The following SH3PXD2B variants were observed in gnomAD, a reference collection of about 807,000 sequenced individuals.
SH3PXD2B encodes SH3 and PX domains 2B, also known as SH3 and PX domain-containing protein 2B.
A neutral mutation model predicts 73.1 loss-of-function variants in SH3PXD2B; 37 were observed. The ratio of observed to expected loss-of-function variants is 0.51; its 90% CI spans 0.39 to 0.67. SH3PXD2B has a LOEUF of 0.67. SH3PXD2B is among the 30% of genes least tolerant of loss of function. The pLI, the probability that SH3PXD2B is intolerant of heterozygous loss-of-function variation, is 0.00. For synonymous variants in SH3PXD2B, 457 were observed against 480.5 expected (o/e 0.95, Z 0.64); for missense variants, 1,053 against 1,197.8 (o/e 0.88, Z 1.78).
At chr5:172,326,432 G>T (rs961329674) in intron 12 of SH3PXD2B, among the ~76,000 whole-genome samples, 39 of 152,106 alleles carry the variant, frequency 2.6e-4, no homozygotes, top group African/African-American at 8.9e-4. Flanking sequence ...TTAATTGAAG[G>T]CTTCGGAGTC....
intron 6 of SH3PXD2B, among the ~76,000 whole-genome samples, chr5:172,370,673 TCAGAGAATG>T (rs1757682598): frequency 6.6e-6 from 1 of 152,188 alleles, no homozygotes. Flanking sequence ...ATGAAGTGGT[TCAGAGAATG>T]CATGGAGTTG....
intron 3 of SH3PXD2B, among the ~76,000 whole-genome samples, chr5:172,401,397 C>T (rs1009827197): frequency 2.0e-5 from 3 of 152,170 alleles, no homozygotes; most frequent in Non-Finnish European, 4.4e-5. Flanking sequence ...GGCGTTAGAT[C>T]AGGTGGCAGA....
intron 1 of SH3PXD2B, among the ~76,000 whole-genome samples, chr5:172,448,736 T>C (rs1410982237): frequency 1.3e-5 from 2 of 152,234 alleles, no homozygotes; most frequent in African/African-American, 4.8e-5. Flanking sequence ...GCACCTATTT[T>C]ACAAATGTAA....
downstream of SH3PXD2B, among the ~76,000 whole-genome samples, chr5:172,329,085 T>TA (rs1469951500): frequency 3.1e-4 from 31 of 100,578 alleles, no homozygotes; most frequent in East Asian, 1.4e-3. Context: ...ATATATATAT[T>TA]TTTTTTTTTT....
chr5:172,431,576 A>G (rs17074786), intron 1 of SH3PXD2B, among the ~76,000 whole-genome samples: 46,526 of 152,154 alleles, frequency 0.31, 7,682 homozygotes, highest in East Asian at 0.67. Context: ...TTCAGGCATT[A>G]TCTTAGGTAA....
At chr5:172,364,661 T>A (rs1304770369) in intron 6 of SH3PXD2B, among the ~76,000 whole-genome samples, 1 of 151,088 alleles carries the variant, frequency 6.6e-6, no homozygotes, top group Non-Finnish European at 1.5e-5. Context: ...CAAAACTCCG[T>A]CCTCCGCTCC....
At chr5:172,358,979 G>C in intron 7 of SH3PXD2B, 102 bp from the exon 8 acceptor site, 1 of 1,101,926 alleles carries the variant, frequency 9.1e-7, no homozygotes, top group South Asian at 1.3e-5. Flanking sequence ...GAATGCACAG[G>C]GTAAGGCTAA....
At chr5:172,329,756 C>G (rs930427402), downstream of SH3PXD2B, among the ~76,000 whole-genome samples, 2 of 152,058 alleles carry the variant, frequency 1.3e-5, no homozygotes. Context: ...CCAGGATGGT[C>G]TGGATCTCCT....
At chr5:172,399,872 C>A (rs760154179) in intron 3 of SH3PXD2B, among the ~76,000 whole-genome samples, 1 of 152,194 alleles carries the variant, frequency 6.6e-6, no homozygotes, top group African/African-American at 2.4e-5. Context: ...CCTTTTCCTG[C>A]ACTTATTCGA....
chr5:172,452,727 T>C (rs1759824855), intron 1 of SH3PXD2B, among the ~76,000 whole-genome samples: 1 of 152,142 alleles, frequency 6.6e-6, no homozygotes, highest in Non-Finnish European at 1.5e-5. Flanking sequence ...AATTCCAGAC[T>C]TCCTCCAGTT....
intron 10 of SH3PXD2B, among the ~76,000 whole-genome samples, chr5:172,348,711 T>TATCTATCCTATCTATCTATCTATC (rs1561896964): frequency 8.1e-5 from 3 of 36,958 alleles, no homozygotes; most frequent in East Asian, 3.4e-3. Flanking sequence ...ATCTATCTAT[T>TATCTATCCTATCTATCTATCTATC]TATTTATTTT....
intron 1 of SH3PXD2B, among the ~76,000 whole-genome samples, chr5:172,434,065 C>T (rs780978209): frequency 1.8e-4 from 28 of 151,410 alleles, no homozygotes; most frequent in Admixed American, 1.2e-3. Context: ...GCAGAGTAGA[C>T]TAACTATAGT....
At chr5:172,328,773 C>T (rs1382111542), downstream of SH3PXD2B, among the ~76,000 whole-genome samples, 3 of 151,852 alleles carry the variant, frequency 2.0e-5, no homozygotes, top group Non-Finnish European at 4.4e-5. Context: ...GCCATCTGAT[C>T]CCTAGTAGGA....
chr5:172,354,517 A>T (rs1415400172), intron 8 of SH3PXD2B, among the ~76,000 whole-genome samples: 2 of 152,190 alleles, frequency 1.3e-5, no homozygotes, highest in Non-Finnish European at 2.9e-5. Context: ...TTAGCAAATC[A>T]GTCAATATGC....
intron 4 of SH3PXD2B, among the ~76,000 whole-genome samples, chr5:172,388,496 T>C (rs532973554): frequency 1.3e-5 from 2 of 152,376 alleles, no homozygotes; most frequent in Admixed American, 6.5e-5. Flanking sequence ...CAGGGGGTAG[T>C]AACTTCCCCG....
At chr5:172,378,090 C>G (rs1246081361) in intron 5 of SH3PXD2B, among the ~76,000 whole-genome samples, 4 of 152,202 alleles carry the variant, frequency 2.6e-5, no homozygotes, top group African/African-American at 4.8e-5. Flanking sequence ...ACCATGCAGC[C>G]TCCGGGACTT....
intron 1 of SH3PXD2B, among the ~76,000 whole-genome samples, chr5:172,453,338 G>A (rs1759845004): frequency 6.6e-6 from 1 of 152,012 alleles, no homozygotes. Flanking sequence ...CTGCTGTAAT[G>A]AGGCCCTCCC....
At chr5:172,453,474 C>A (rs1413947956) in intron 1 of SH3PXD2B, among the ~76,000 whole-genome samples, 1 of 152,212 alleles carries the variant, frequency 6.6e-6, no homozygotes, top group African/African-American at 2.4e-5. Context: ...CACTTTCCAC[C>A]TGCAGGTCAC....
chr5:172,358,319 T>C (rs971387932), intron 8 of SH3PXD2B, among the ~76,000 whole-genome samples: 1 of 152,170 alleles, frequency 6.6e-6, no homozygotes, highest in Non-Finnish European at 1.5e-5. Flanking sequence ...ACAACGGAAG[T>C]GTGTCTGTGG....
Sources: gnomAD v4.1 joint callset for allele counts (sites outside exome capture counted in the v4.1 genomes callset) on GRCh38, gnomAD v4.1.1 for gene constraint, MANE v1.5 for transcripts, NCBI Gene and HGNC (gene_info 2026-07-23, HGNC 2026-07-21) for gene names.